Variants in DLC1 observed in about 807,000 individuals in gnomAD.
DLC1 encodes DLC1 Rho GTPase activating protein.
In DLC1, 54 loss-of-function variants were observed where a neutral mutation model predicts 140.3. The ratio of observed to expected loss-of-function variants is 0.38; its 90% CI spans 0.31 to 0.48. The LOEUF (loss-of-function observed/expected upper bound fraction) is 0.48. Among genes scored for constraint, DLC1 ranks in the 20% least tolerant of loss-of-function variants. The pLI is 0.96. For synonymous variants in DLC1, 986 were observed against 728.1 expected, an observed-to-expected ratio of 1.35 and a Z score of -5.70; for missense variants, 2,536 against 1,907.0, an observed-to-expected ratio of 1.33 and a Z score of -6.14.
At chr8:13,199,177 C>CTTTTTTTTT (rs71207132) in intron 5 of DLC1, among the ~76,000 whole-genome samples, 8 of 93,286 alleles carry the variant, frequency 8.6e-5, no homozygotes, top group Non-Finnish European at 1.4e-4. Flanking sequence ...TTCTCTTTTT[C>CTTTTTTTTT]TTTTTTTTTT....
chr8:13,281,855 C>T (rs980934664), intron 5 of DLC1, among the ~76,000 whole-genome samples: 3 of 152,174 alleles, frequency 2.0e-5, no homozygotes, highest in Admixed American at 2.0e-4. Context: ...TTTATGCTTT[C>T]TGAAGCTAAG....
intron 5 of DLC1, among the ~76,000 whole-genome samples, chr8:13,141,658 G>A (rs1823001242): frequency 6.6e-6 from 1 of 152,146 alleles, no homozygotes; most frequent in African/African-American, 2.4e-5. Context: ...TTTCTTCGCT[G>A]CTAACTACAG....
chr8:13,440,763 G>T (rs1798470750), intron 2 of DLC1, among the ~76,000 whole-genome samples: 2 of 152,100 alleles, frequency 1.3e-5, no homozygotes, highest in South Asian at 4.1e-4. Flanking sequence ...AGTCTCACGA[G>T]ATCTGAAGGG....
At chr8:13,356,565 C>G (rs879798152) in intron 4 of DLC1, among the ~76,000 whole-genome samples, 1 of 152,176 alleles carries the variant, frequency 6.6e-6, no homozygotes, top group East Asian at 1.9e-4. Flanking sequence ...TTTCTGTCTC[C>G]TTAGAATTTT....
At chr8:13,146,516 T>A (rs1823452195) in intron 5 of DLC1, among the ~76,000 whole-genome samples, 1 of 151,816 alleles carries the variant, frequency 6.6e-6, no homozygotes, top group African/African-American at 2.4e-5. Flanking sequence ...TTCTTTGTAT[T>A]GTCAAAGCCA....
At chr8:13,317,707 A>C (rs1302828348) in intron 4 of DLC1, among the ~76,000 whole-genome samples, 1 of 152,144 alleles carries the variant, frequency 6.6e-6, no homozygotes, top group East Asian at 1.9e-4. Context: ...GGGAGAAAGT[A>C]TAGAAGGAAA....
intron 2 of DLC1, among the ~76,000 whole-genome samples, chr8:13,445,507 T>C (rs1798735527): frequency 1.3e-5 from 2 of 152,312 alleles, no homozygotes; most frequent in Admixed American, 6.5e-5. Flanking sequence ...CAAAGGTATA[T>C]GCATAGGCAC....
chr8:13,433,929 C>G (rs1312819251), intron 2 of DLC1, among the ~76,000 whole-genome samples: 1 of 152,152 alleles, frequency 6.6e-6, no homozygotes, highest in Non-Finnish European at 1.5e-5. Context: ...GATCTCGGCT[C>G]ACTGCAATCT....
chr8:13,291,408 T>C (rs1205528694), intron 5 of DLC1, among the ~76,000 whole-genome samples: 1 of 152,244 alleles, frequency 6.6e-6, no homozygotes. Flanking sequence ...TATGTAAATT[T>C]ATTTCTGTCT....
chr8:13,439,152 C>T (rs995926226), intron 2 of DLC1, among the ~76,000 whole-genome samples: 2 of 152,052 alleles, frequency 1.3e-5, no homozygotes, highest in Admixed American at 6.6e-5. Context: ...TGGTGAATTC[C>T]GTCTCTACTA....
At chr8:13,212,890 C>G (rs540207666) in intron 5 of DLC1, among the ~76,000 whole-genome samples, 5 of 152,196 alleles carry the variant, frequency 3.3e-5, no homozygotes, top group Non-Finnish European at 5.9e-5. Context: ...TAAGCTTTCA[C>G]TCTTTTCATT....
intron 1 of DLC1, among the ~76,000 whole-genome samples, chr8:13,501,038 C>T (rs1008536354): frequency 6.6e-6 from 1 of 152,202 alleles, no homozygotes; most frequent in Non-Finnish European, 1.5e-5. Context: ...ATTCTACCTT[C>T]ATCCCTTCTT....
chr8:13,151,028 G>C (rs1173706494), intron 5 of DLC1, among the ~76,000 whole-genome samples: 2 of 152,120 alleles, frequency 1.3e-5, no homozygotes, highest in Non-Finnish European at 2.9e-5. Context: ...GTAGTTGGGA[G>C]GTAATAACTA....
intron 2 of DLC1, among the ~76,000 whole-genome samples, chr8:13,415,684 C>T (rs971437799): frequency 5.9e-5 from 9 of 152,174 alleles, no homozygotes; most frequent in Non-Finnish European, 1.2e-4. Context: ...CAGGCATGAG[C>T]CACTGCAACC....
chr8:13,442,827 C>A (rs536911378), intron 2 of DLC1, among the ~76,000 whole-genome samples: 20 of 152,238 alleles, frequency 1.3e-4, no homozygotes, highest in Middle Eastern at 6.8e-3. Context: ...CTAGAAATAC[C>A]ATTTGACCCA....
At chr8:13,303,640 A>G (rs1404023904) in intron 5 of DLC1, among the ~76,000 whole-genome samples, 2 of 151,968 alleles carry the variant, frequency 1.3e-5, no homozygotes, top group Non-Finnish European at 2.9e-5. Context: ...CATCTCTACT[A>G]AAAATACGAA....
At chr8:13,170,667 T>C (rs10113841) in intron 5 of DLC1, among the ~76,000 whole-genome samples, 90,124 of 149,492 alleles carry the variant, frequency 0.6, 27,466 homozygotes, top group East Asian at 0.85. Context: ...GAGGCGGAGC[T>C]TGCAGTGAGC....
chr8:13,128,828 C>A (rs1323713750), intron 5 of DLC1, among the ~76,000 whole-genome samples: 1 of 141,426 alleles, frequency 7.1e-6, no homozygotes, highest in Non-Finnish European at 1.5e-5. Flanking sequence ...GAGAGAGACT[C>A]CGTCTCAAAA....
At chr8:13,225,210 G>A (rs1477801591) in intron 5 of DLC1, among the ~76,000 whole-genome samples, 3 of 152,216 alleles carry the variant, frequency 2.0e-5, no homozygotes, top group African/African-American at 7.2e-5. Context: ...CTTTTTAAAA[G>A]TGATTCTTGA....
Sources: allele counts gnomAD v4.1 joint callset (sites outside exome capture counted in the v4.1 genomes callset), GRCh38; gene constraint gnomAD v4.1.1; transcripts MANE v1.5; gene names NCBI Gene and HGNC (gene_info 2026-07-23, HGNC 2026-07-21).